The following PLK3 variants were observed in gnomAD, a reference collection of about 807,000 sequenced individuals.
PLK3 encodes the protein serine/threonine-protein kinase PLK3.
A neutral mutation model predicts 71.6 loss-of-function variants in PLK3; 41 were observed. The observed-to-expected ratio is 0.57, with a 90% CI of 0.45 to 0.74. The LOEUF is 0.74. Among genes scored for constraint, PLK3 ranks in the 30% least tolerant of loss-of-function variants. The probability of loss-of-function intolerance (pLI) is 0.00; values close to 1 mark genes in which losing one functional copy is unlikely to be tolerated. For synonymous variants in PLK3, 366 were observed against 355.4 expected (o/e 1.03, Z -0.33); for missense variants, 791 against 875.6 (o/e 0.90, Z 1.22).
chr1:44,800,646 C>T lies in PLK3; in HGVS notation c.183C>T (p.Thr61=). 2 of 1,547,606 alleles carry T rather than the reference C, an allele frequency of 1.3e-6. No individual in the cohort carries two copies. Among genetic ancestry groups the T allele is most frequent in the Non-Finnish European group, 1.7e-6 (2 of 1,150,438 alleles). ...RLITDPRSGR[T]YLKGRLLGKG... ...TCACGGACCCGCGCAGCGGCCGCAC[C>T]TACCTCAAAGGCCGCTTGTTGGGCA... The change falls in exon 1 of 15, where the codon ACC becomes ACT. Residue 61 remains threonine (T), a synonymous_variant. Coordinates refer to ENST00000372201, the MANE Select transcript of PLK3 (RefSeq NM_004073.4). The surrounding 1 kb of genome is among the most constrained non-coding windows in gnomAD (Gnocchi z 6.5).
rs1386553360 is a variant in PLK3, at chr1:44,805,952, G to T, written c.*274G>T. On this transcript the variant is annotated 3_prime_UTR_variant, in exon 15 of 15. Transcript: ENST00000372201. ...CTTATTTATTGGGATGTGAGCCCCA[G>T]GGGGGCCTCCTCCTAGGATAATAAA... 1.3e-6 allele frequency: 2 copies of T among 1,508,272 alleles called. No individual in the cohort carries two copies. Among genetic ancestry groups the T allele is most frequent in the Non-Finnish European group, 1.8e-6 (2 of 1,128,676 alleles). 93.4% of individuals were successfully genotyped at this position (1,508,272 alleles called of 1,614,324 possible). A position where few individuals can be genotyped will look rare whatever the true frequency, so the allele number is the denominator to read the frequency against.
Position 44,800,475 on chromosome 1 carries a change from C to T in PLK3, c.12C>T (p.Ala4=). The T allele has an allele frequency of 7.0e-7, 1 of 1,421,562 alleles. No homozygotes were observed. The highest frequency in any genetic ancestry group is 9.1e-7 in the Non-Finnish European group (1 of 1,093,094). The allele number at this position is 1,421,562 out of a possible 1,614,324, so 88.1% of individuals were successfully genotyped here. MEP[A]AGFLSPRPFQ... is the part of the protein sequence containing the mutation. ...GACGCGCCGGCCGCATGGAGCCTGC[C>T]GCCGGTTTCCTGTCTCCGCGCCCCT... Residue 4 remains alanine (A), a synonymous_variant, in exon 1 of 15, where the codon GCC becomes GCT. Coordinates refer to ENST00000372201, the MANE Select transcript of PLK3 (RefSeq NM_004073.4). This position sits in a 1 kb window ranked among gnomAD's most constrained non-coding sequence, Gnocchi z 6.5.
Position 44,805,612 on chromosome 1 carries a change from C to T in PLK3, c.1875C>T (p.Cys625=). ...CTTCCCACCTTCGGCAGCTGGGCTG[C>T]TCTCCAGACCTGCGGCAGCGACTCC... is the stretch of plus-strand genomic sequence containing the variant. The part of the protein sequence containing the change: ...YLASHLRQLG[C]SPDLRQRLRY... Residue 625 remains cysteine (C), a synonymous_variant, in exon 15 of 15, where the codon TGC becomes TGT. Transcript: ENST00000372201. The T allele has an allele frequency of 1.2e-6, 2 of 1,614,160 alleles. No homozygotes were observed. The highest frequency in any genetic ancestry group is 8.5e-7 in the Non-Finnish European group (1 of 1,179,994).
rs776519169 is a variant in PLK3, at chr1:44,804,351, C to T, written c.1355C>T (p.Pro452Leu). ...TCTCCCATGACAGCGGAACAGAACC[C>T]GGCCCCCCTGGCCCAGCCAGAGCCT... ...IAFMPPAEQN[P>L]APLAQPEPLV... The change falls in exon 12 of 15, where the codon CCG (proline) becomes CTG (leucine). Residue 452 changes from proline to leucine, a missense_variant. By Grantham distance (98) the Pro-to-Leu change is moderately conservative. Coordinates refer to ENST00000372201, the MANE Select transcript of PLK3 (RefSeq NM_004073.4). 9.9e-6 allele frequency: 16 copies of T among 1,613,988 alleles called. No individual in the cohort carries two copies. The highest frequency in any genetic ancestry group is 1.3e-5 in the Non-Finnish European group (15 of 1,179,956).
chr1:44,802,600 C>T (rs1651868474), intron 5 of PLK3, among the ~76,000 whole-genome samples, 160 bp from the exon 6 acceptor site: 1 of 152,020 alleles, frequency 6.6e-6, no homozygotes, highest in Admixed American at 6.6e-5. Flanking sequence ...TGGGCGGGGA[C>T]TCAGCTGCCA....
At position 44,803,961 on chromosome 1, in the gene PLK3, A is replaced by G. The variant is rs1186962069; in HGVS notation, c.1195A>G (p.Ser399Gly). ...AGCAGCTTCTGGCCCAGCCCCTGTC[A>G]GCCTGGTAGAGACAGCACCTGAAGA... ...APAASGPAPV[S>G]LVETAPEDSS... Residue 399 changes from serine to glycine, a missense_variant, in exon 10 of 15, where the codon AGC (serine) becomes GGC (glycine). By Grantham distance (56) the Ser-to-Gly change is moderately conservative. Coordinates refer to ENST00000372201, the MANE Select transcript of PLK3 (RefSeq NM_004073.4). The surrounding 1 kb of genome is among the most constrained non-coding windows in gnomAD (Gnocchi z 4.3). 1 of 1,552,060 alleles carries G rather than the reference A, an allele frequency of 6.4e-7. No homozygotes were observed. The highest frequency in any genetic ancestry group is 8.7e-7 in the Non-Finnish European group (1 of 1,147,062).
In PLK3 at chr1:44,804,466, C is replaced by T. The variant is rs150620830; in HGVS notation, c.1470C>T (p.Asn490=). The T allele has an allele frequency of 2.7e-5, 43 of 1,614,072 alleles. No individual in the cohort carries two copies. Among genetic ancestry groups the T allele is most frequent in the Non-Finnish European group, 3.4e-5 (40 of 1,180,020 alleles). Residue 490 remains asparagine (N), a synonymous_variant, in exon 12 of 15, where the codon AAC becomes AAT. Transcript: ENST00000372201. ...GCCGCCGTGTGGCTGTGCTCTTCAA[C>T]GATGGCACACATATGGCCCTGTCGG... ...LSSRRVAVLF[N]DGTHMALSAN... is the part of the protein sequence containing the mutation.
Position 44,802,817 on chromosome 1 carries a change from C to T in PLK3, c.711C>T (p.His237=), listed in dbSNP as rs150340586. The T allele has an allele frequency of 5.9e-4, 946 of 1,613,684 alleles. No homozygotes were observed. Among genetic ancestry groups the T allele is most frequent in the Non-Finnish European group, 4.3e-4 (505 of 1,179,662 alleles). The change falls in exon 6 of 15, where the codon CAC becomes CAT. Residue 237 remains histidine (H), a synonymous_variant. Coordinates refer to ENST00000372201, the MANE Select transcript of PLK3 (RefSeq NM_004073.4). Reference sequence around the variant, plus strand: ...CAGAAGTGCTGCTGAGACAGGGCCACGGCCCTGAGGCGGATGTATGGTCAC... The same window carrying T: ...CAGAAGTGCTGCTGAGACAGGGCCATGGCCCTGAGGCGGATGTATGGTCAC... ...VAPEVLLRQG[H]GPEADVWSLG...
At chr1:44,802,386 G>T (rs1573611616) in intron 5 of PLK3, among the ~76,000 whole-genome samples, 1 of 152,248 alleles carries the variant, frequency 6.6e-6, no homozygotes, top group East Asian at 1.9e-4. Flanking sequence ...GAGTGTTTAT[G>T]GGGGTTGTGA....
At chr1:44,805,161 C>T (rs532230718) in intron 13 of PLK3, 105 bp from the exon 14 acceptor site, 2 of 770,478 alleles carry the variant, frequency 2.6e-6, no homozygotes, top group Non-Finnish European at 4.6e-6. Context: ...CTGATTCCCC[C>T]TTGGTGGTGG....
intron 13 of PLK3, 96 bp from the exon 14 acceptor site, chr1:44,805,170 G>A (rs552217393): frequency 7.5e-6 from 6 of 799,210 alleles, no homozygotes; most frequent in East Asian, 4.9e-5. Context: ...CCTTGGTGGT[G>A]GTTGGGGTTG....
intron 5 of PLK3, 129 bp from the exon 6 acceptor site, chr1:44,802,631 A>G (rs922968238): frequency 5.7e-6 from 4 of 700,078 alleles, no homozygotes; most frequent in African/African-American, 5.3e-5. Context: ...CCATTGTCCC[A>G]GGACAAGCAG....
Position 44,804,690 on chromosome 1 carries a change from T to G in PLK3, c.1546T>G (p.Phe516Val). 1 of 1,613,940 alleles carries G rather than the reference T, an allele frequency of 6.2e-7. No individual in the cohort carries two copies. Among genetic ancestry groups the G allele is most frequent in the Non-Finnish European group, 8.5e-7 (1 of 1,179,866 alleles). ...YNPTSTKHFS[F>V]SVGAVPRALQ... ...TCCCACCAGCACAAAGCACTTCTCC[T>G]TCTCCGTGGGTGCTGTGCCCCGGGC... Residue 516 changes from phenylalanine to valine, a missense_variant, in exon 13 of 15, where the codon TTC becomes GTC. Phe to Val is a conservative substitution (Grantham distance 50, BLOSUM62 -1). Transcript: ENST00000372201.
Position 44,804,745 on chromosome 1 carries a change from A to G in PLK3, c.1601A>G (p.Tyr534Cys). ...CAGCCTCAGCTGGGTATCCTGCGGT[A>G]CTTCGCCTCCTACATGGAGCAGCAC... is the stretch of plus-strand genomic sequence containing the variant. Reference protein sequence around the residue: ...ALQPQLGILRYFASYMEQHLM... With the variant: ...ALQPQLGILRCFASYMEQHLM... The change falls in exon 13 of 15, where the codon TAC becomes TGC. Residue 534 changes from tyrosine (Y) to cysteine (C), a missense_variant. Tyr to Cys is a radical substitution (Grantham distance 194, BLOSUM62 -2). Transcript: ENST00000372201. 1 of 1,614,082 alleles carries G rather than the reference A, an allele frequency of 6.2e-7. No individual in the cohort carries two copies. The highest frequency in any genetic ancestry group is 8.5e-7 in the Non-Finnish European group (1 of 1,179,960).
At chr1:44,805,070 C>T in intron 13 of PLK3, 196 bp from the exon 14 acceptor site, 1 of 587,306 alleles carries the variant, frequency 1.7e-6, no homozygotes. Flanking sequence ...CGCACCATTG[C>T]ACTCCAGCCT....
In PLK3 at chr1:44,801,549, T is replaced by G. The variant is rs539950173; in HGVS notation, c.436-73T>G. On this transcript the variant is annotated intron_variant, in intron 3 of 14. Transcript: ENST00000372201. ...GACCCAAAGCTGGGGCCCTGTTTCT[T>G]CCTCAGGGAGCACAGATGGAGGGGG... 53 of 1,492,484 alleles carry G rather than the reference T, an allele frequency of 3.6e-5. No individual in the cohort carries two copies. In the African/African-American group the frequency reaches 6.5e-4, roughly 18 times the overall value. 92.5% of individuals were successfully genotyped at this position (1,492,484 alleles called of 1,614,324 possible). A position where few individuals can be genotyped will look rare whatever the true frequency, so the allele number is the denominator to read the frequency against.
At chr1:44,805,105 C>CA (rs754743272) in intron 13 of PLK3, 161 bp from the exon 14 acceptor site, 19,195 of 425,814 alleles carry the variant, frequency 0.045, 1 homozygote, top group South Asian at 0.059. Flanking sequence ...GACTCCATCT[C>CA]AAAAAAAAAA....
intron 12 of PLK3, 71 bp from the exon 13 acceptor site, chr1:44,804,579 C>T (rs1005696347): frequency 1.9e-6 from 3 of 1,603,962 alleles, no homozygotes; most frequent in Admixed American, 1.7e-5. Context: ...CTCCTGGGCT[C>T]AGGGGTCTGG....
At position 44,801,094 on chromosome 1, in the gene PLK3, C is replaced by T; in HGVS notation, c.377C>T (p.Ser126Leu). 1.9e-6 allele frequency: 3 copies of T among 1,613,420 alleles called. 1 individual carries two copies. The highest frequency in any genetic ancestry group is 3.3e-4 in the Middle Eastern group (2 of 6,060). ...CAGCACCGCCACATCGTGCGTTTTT[C>T]GCACCACTTTGAGGACGCTGACAAC... Reference protein sequence around the residue: ...DLQHRHIVRFSHHFEDADNIY... With the variant: ...DLQHRHIVRFLHHFEDADNIY... The change falls in exon 3 of 15, where the codon TCG becomes TTG. Residue 126 changes from serine to leucine, a missense_variant. Ser to Leu is a moderately radical substitution (Grantham distance 145). Coordinates refer to ENST00000372201, the MANE Select transcript of PLK3 (RefSeq NM_004073.4).
Sources: gnomAD v4.1 joint callset for allele counts (sites outside exome capture counted in the v4.1 genomes callset) on GRCh38, gnomAD v4.1.1 for gene constraint, Gnocchi (gnomAD v3.1) non-coding constraint, MANE v1.5 for transcripts, NCBI Gene and HGNC (gene_info 2026-07-23, HGNC 2026-07-21) for gene names.